PIK3IP1: variants seen among roughly 807,000 people sequenced by gnomAD.
PIK3IP1 encodes the protein phosphoinositide-3-kinase-interacting protein 1.
A neutral mutation model predicts 30.7 loss-of-function variants in PIK3IP1; 28 were observed. The observed-to-expected ratio is 0.91, with a 90% CI of 0.68 to 1.25. PIK3IP1 has a LOEUF of 1.25. Ranked by LOEUF, PIK3IP1 falls within the 50% of genes most tolerant of loss-of-function variation. The pLI is 0.00. For missense variants in PIK3IP1, 333 were observed against 346.2 expected, an observed-to-expected ratio of 0.96 and a Z score of 0.30; for synonymous variants, 159 against 140.8, an observed-to-expected ratio of 1.13 and a Z score of -0.91.
Position 31,289,351 on chromosome 22 carries a change from A to G in PIK3IP1, c.551T>C (p.Ile184Thr). 6.2e-7 allele frequency: 1 copy of G among 1,613,622 alleles called. No homozygotes were observed. Among genetic ancestry groups the G allele is most frequent in the South Asian group, 1.1e-5 (1 of 91,020 alleles). Residue 184 changes from isoleucine (I) to threonine (T), a missense_variant, in exon 5 of 6, where the codon ATC becomes ACC. Physicochemically the swap from Ile to Thr is moderately conservative, Grantham distance 89. Transcript: ENST00000215912. ...GTAGCCCAAGATGATGCCAGCTCCG[A>G]TGGCAATGATGATCACCATCATGGT... is the stretch of plus-strand genomic sequence containing the variant. Reference protein sequence around the residue: ...GITMMVIIIAIGAGIILGYSY... With the variant: ...GITMMVIIIATGAGIILGYSY...
chr22:31,286,038 T>TG (rs1337105477), intron 5 of PIK3IP1, among the ~76,000 whole-genome samples: 2 of 151,764 alleles, frequency 1.3e-5, no homozygotes, highest in East Asian at 3.9e-4. Flanking sequence ...CAGGACATGG[T>TG]GGCGGGTGCC....
rs114456333 is a variant in PIK3IP1 at position 31,289,262 on chromosome 22, T to C, written c.587+53A>G. 1,205 of 1,584,248 alleles carry C rather than the reference T, an allele frequency of 7.6e-4. 4 individuals carry two copies. The African/African-American group carries it at 0.013, about 17-fold the overall frequency. ...GGTAAGAAAGCCACAAAGTTTGACT[T>C]TGTGTACCTTCCTCCCCTCCTCCTA... On this transcript the variant is annotated intron_variant, in intron 5 of 5. Coordinates refer to ENST00000215912, the MANE Select transcript of PIK3IP1 (RefSeq NM_052880.5).
chr22:31,283,309 A>T, intron 5 of PIK3IP1, 21 bp from the exon 6 acceptor site: 1 of 1,613,652 alleles, frequency 6.2e-7, no homozygotes, highest in Non-Finnish European at 8.5e-7. Flanking sequence ...AAAAACAAAC[A>T]AACATTCAGG....
chr22:31,285,813 T>C (rs530617234), intron 5 of PIK3IP1, among the ~76,000 whole-genome samples: 53 of 152,226 alleles, frequency 3.5e-4, no homozygotes, highest in Non-Finnish European at 6.5e-4. Context: ...TACTTAACTC[T>C]GCTAGGTCTC....
chr22:31,290,930 C>T, intron 3 of PIK3IP1, 35 bp downstream of exon 3: 2 of 1,541,320 alleles, frequency 1.3e-6, no homozygotes, highest in Non-Finnish European at 1.7e-6. Flanking sequence ...CTGTCAGCGC[C>T]AGGAGCGGGG....
At position 31,292,449 on chromosome 22, in the gene PIK3IP1, C is replaced by T; in HGVS notation, c.-105G>A. 2 of 859,166 alleles carry T rather than the reference C, an allele frequency of 2.3e-6. No individual in the cohort carries two copies. The highest frequency in any genetic ancestry group is 1.4e-5 in the South Asian group (1 of 71,964). 53.2% of individuals were successfully genotyped at this position (859,166 alleles called of 1,614,324 possible). A position where few individuals can be genotyped will look rare whatever the true frequency, so the allele number is the denominator to read the frequency against. On this transcript the variant is annotated 5_prime_UTR_variant, in exon 1 of 6. Coordinates refer to ENST00000215912, the MANE Select transcript of PIK3IP1 (RefSeq NM_052880.5). Reference sequence around the variant, plus strand: ...TCCCAGCCTTGCAGTCAGACCTGCCCTTGTTATGCTGTTCTGGTAAACAGC... The same window carrying T: ...TCCCAGCCTTGCAGTCAGACCTGCCTTTGTTATGCTGTTCTGGTAAACAGC...
intron 5 of PIK3IP1, among the ~76,000 whole-genome samples, chr22:31,285,162 C>T (rs1355179868): frequency 1.3e-5 from 2 of 152,180 alleles, no homozygotes; most frequent in East Asian, 3.9e-4. Context: ...CTCTGAGCCG[C>T]TGCTATTTTC....
rs770693818 is a variant in PIK3IP1, at chr22:31,291,247, G to C, written c.120C>G (p.Pro40=). 6.4e-4 allele frequency: 995 copies of C among 1,552,710 alleles called. 5 individuals carry two copies. Among genetic ancestry groups the C allele is most frequent in the Middle Eastern group, 4.5e-3 (27 of 5,966 alleles). Residue 40 remains proline (P), a synonymous_variant, in exon 2 of 6, where the codon CCC becomes CCG. Transcript: ENST00000215912. ...AGTTGAGGCAGCGGAGGCCCGGCGC[G>C]GGGGAGGTCTGGTCCTCCCGGTACA... ...GHLYREDQTS[P]APGLRCLNWL... is the part of the protein sequence containing the mutation.
At position 31,289,508 on chromosome 22, in the gene PIK3IP1, C is replaced by T; in HGVS notation, c.499G>A (p.Gly167Arg). 8 of 1,535,344 alleles carry T rather than the reference C, an allele frequency of 5.2e-6. No individual in the cohort carries two copies. The highest frequency in any genetic ancestry group is 7.0e-6 in the Non-Finnish European group (8 of 1,139,336). Residue 167 changes from glycine (G) to arginine (R), a missense_variant, in exon 4 of 6, where the codon GGA (glycine) becomes AGA (arginine). Gly to Arg is a moderately radical substitution (Grantham distance 125). This residue lies in a region of PIK3IP1 where 217 missense variants were observed against 227.7 expected (regional missense o/e 0.95). Coordinates refer to ENST00000215912, the MANE Select transcript of PIK3IP1 (RefSeq NM_052880.5). ...RMNSKEKKDLGTLGYVLGITM... is the reference protein window; with the variant it reads ...RMNSKEKKDLRTLGYVLGITM... ...TGGGGGACCGTCATACCCAGAGTTCCCAGGTCCTTTTTCTCCTTGGAGTTC... is the reference window on the plus strand; with the variant it reads ...TGGGGGACCGTCATACCCAGAGTTCTCAGGTCCTTTTTCTCCTTGGAGTTC...
intron 5 of PIK3IP1, among the ~76,000 whole-genome samples, chr22:31,286,512 G>T (rs2049131721): frequency 6.6e-6 from 1 of 152,186 alleles, no homozygotes; most frequent in South Asian, 2.1e-4. Flanking sequence ...TGAAGAAAGG[G>T]GTGATCTGGT....
In PIK3IP1 at chr22:31,289,252, A is replaced by G. The variant is rs766944682; in HGVS notation, c.587+63T>C. ...CTTCCTTTTGGGTAAGAAAGCCACA[A>G]AGTTTGACTTTGTGTACCTTCCTCC... On this transcript the variant is annotated intron_variant, in intron 5 of 5. Coordinates refer to ENST00000215912, the MANE Select transcript of PIK3IP1 (RefSeq NM_052880.5). 4 of 1,554,702 alleles carry G rather than the reference A, an allele frequency of 2.6e-6. No individual in the cohort carries two copies. The South Asian group carries it at 3.4e-5, about 13-fold the overall frequency.
intron 5 of PIK3IP1, 37 bp from the exon 6 acceptor site, chr22:31,283,325 CCTCCT>C: frequency 6.2e-7 from 1 of 1,606,582 alleles, no homozygotes; most frequent in Non-Finnish European, 8.5e-7. Flanking sequence ...TCAGGCTATG[CCTCCT>C]GCATAGCTTT....
rs1294664698 is a variant in PIK3IP1, at chr22:31,287,946, CAT to C, written c.587+1367_587+1368del. On this transcript the variant is annotated intron_variant, in intron 5 of 5. Transcript: ENST00000215912. ...TTCAAGCAGTGTCTGGCATACGGTA[CAT>C]GTTTGCTACTGCTGTTATTATTATA... is the stretch of plus-strand genomic sequence containing the variant. Among the ~76,000 whole-genome samples the C allele has an allele frequency of 2.0e-5, 3 of 152,094 alleles. No individual in the cohort carries two copies. In the East Asian group the frequency reaches 5.8e-4, roughly 29 times the overall value.
chr22:31,283,910 CTTTT>C (rs1372269913), intron 5 of PIK3IP1, among the ~76,000 whole-genome samples: 2 of 147,482 alleles, frequency 1.4e-5, no homozygotes, highest in Non-Finnish European at 3.0e-5. Flanking sequence ...CAGCTACAGG[CTTTT>C]TTTTTTGGAG....
chr22:31,289,793 G>T, intron 3 of PIK3IP1, 94 bp from the exon 4 acceptor site: 1 of 1,342,738 alleles, frequency 7.4e-7, no homozygotes. Flanking sequence ...GATGAAGGTG[G>T]GTCACCTAAG....
chr22:31,285,941 G>A (rs1386089781), intron 5 of PIK3IP1, among the ~76,000 whole-genome samples: 1 of 152,186 alleles, frequency 6.6e-6, no homozygotes, highest in Non-Finnish European at 1.5e-5. Context: ...GGGAGGCCGA[G>A]GCGGGTGGAT....
chr22:31,282,121 G>A lies in PIK3IP1; in HGVS notation c.*963C>T, dbSNP rs926500663. ...CCCTAGCCCCAGTGCCCTACAGGAA[G>A]GTGCTGACCTGGACGCCCGCAGGAC... On this transcript the variant is annotated 3_prime_UTR_variant, in exon 6 of 6. Coordinates refer to ENST00000215912, the MANE Select transcript of PIK3IP1 (RefSeq NM_052880.5). The A allele has an allele frequency of 1.3e-5, 2 of 152,284 alleles. No individual in the cohort carries two copies. The highest frequency in any genetic ancestry group is 4.8e-5 in the African/African-American group (2 of 41,472). 9.4% of individuals were successfully genotyped at this position (152,284 alleles called of 1,614,324 possible). A position where few individuals can be genotyped will look rare whatever the true frequency, so the allele number is the denominator to read the frequency against.
rs537360226 is a variant in PIK3IP1 at position 31,283,464 on chromosome 22, G to A, written c.588-176C>T. Among the ~76,000 whole-genome samples the A allele has an allele frequency of 1.8e-4, 28 of 152,288 alleles. No individual in the cohort carries two copies. The South Asian group carries it at 2.7e-3, about 15-fold the overall frequency. ...TTCTAGGATATCCATTCTGCAAGAC[G>A]GCGTTAAACTCAACAAGAAGCTCCT... On this transcript the variant is annotated intron_variant, in intron 5 of 5. Transcript: ENST00000215912.
In PIK3IP1 at chr22:31,289,495, A is replaced by G. The variant is rs1002425206; in HGVS notation, c.508+4T>C. The G allele has an allele frequency of 2.0e-6, 3 of 1,538,354 alleles. No individual in the cohort carries two copies. Among genetic ancestry groups the G allele is most frequent in the Non-Finnish European group, 2.6e-6 (3 of 1,141,202 alleles). Reference sequence around the variant, plus strand: ...ACGAGGGCAGGGGTGGGGGACCGTCATACCCAGAGTTCCCAGGTCCTTTTT... The same window carrying G: ...ACGAGGGCAGGGGTGGGGGACCGTCGTACCCAGAGTTCCCAGGTCCTTTTT... On this transcript the variant is annotated splice_donor_region_variant and intron_variant, in intron 4 of 5. Transcript: ENST00000215912.
Sources: allele counts gnomAD v4.1 joint callset (sites outside exome capture counted in the v4.1 genomes callset), GRCh38; gene constraint gnomAD v4.1.1; regional missense constraint gnomAD v4.1.1; transcripts MANE v1.5; gene names NCBI Gene and HGNC (gene_info 2026-07-23, HGNC 2026-07-21).